HEATR4: variants seen among roughly 807,000 people sequenced by gnomAD.
HEATR4 encodes the protein HEAT repeat containing 4.
A neutral mutation model predicts 108.8 loss-of-function variants in HEATR4; 95 were observed. That is an observed-to-expected ratio of 0.87 (90% CI 0.74 to 1.04). The LOEUF (loss-of-function observed/expected upper bound fraction) is 1.04. Among genes scored for constraint, HEATR4 ranks in the 50% least tolerant of loss-of-function variants. The probability of loss-of-function intolerance (pLI) is 0.00; values close to 1 mark genes in which losing one functional copy is unlikely to be tolerated. For missense variants in HEATR4, 1,152 were observed against 1,253.8 expected (o/e 0.92, Z 1.23); for synonymous variants, 443 against 459.4 (o/e 0.96, Z 0.46).
chr14:73,499,244 G>A lies in HEATR4; in HGVS notation c.2287-104C>T. The A allele has an allele frequency of 3.2e-6, 3 of 947,328 alleles. No homozygotes were observed. The South Asian group carries it at 3.9e-5, about 12-fold the overall frequency. The allele number at this position is 947,328 out of a possible 1,614,324, so 58.7% of individuals were successfully genotyped here. A position where few individuals can be genotyped will look rare whatever the true frequency, so the allele number is the denominator to read the frequency against. Reference sequence around the variant, plus strand: ...CCCTGTAATCCCAGCATTTTGGGATGCCAAGGTGGGCGGATCACTTGACAT... The same window carrying A: ...CCCTGTAATCCCAGCATTTTGGGATACCAAGGTGGGCGGATCACTTGACAT... On this transcript the variant is annotated intron_variant, in intron 12 of 17. Transcript: ENST00000553558.
chr14:73,535,228 C>T (rs1472055771), intron 1 of HEATR4, among the ~76,000 whole-genome samples: 1 of 114,146 alleles, frequency 8.8e-6, no homozygotes, highest in Non-Finnish European at 1.9e-5. Context: ...TGAAGTTATA[C>T]TTAAAACAAA....
chr14:73,537,919 G>A lies in HEATR4; in HGVS notation c.-151-7675C>T. 1.8e-5 allele frequency: 21 copies of A among 1,148,086 alleles called. 8 individuals carry two copies. Among genetic ancestry groups the A allele is most frequent in the Non-Finnish European group, 2.3e-5 (21 of 895,256 alleles). 71.1% of individuals were successfully genotyped at this position (1,148,086 alleles called of 1,614,324 possible). A position where few individuals can be genotyped will look rare whatever the true frequency, so the allele number is the denominator to read the frequency against. ...TAATTGTTCCCCTCTGCCCATCCCT[G>A]TTCCTGCGCTTTCCACTGTGTGTGT... On this transcript the variant is annotated intron_variant, in intron 1 of 17. Transcript: ENST00000553558.
chr14:73,578,646 T>C, the HEATR4 span, among the ~76,000 whole-genome samples: 1 of 151,990 alleles, frequency 6.6e-6, no homozygotes, highest in African/African-American at 2.4e-5. Context: ...TCCATAATGA[T>C]TGATTGATTG....
intron 17 of HEATR4, chr14:73,491,351 G>T (rs964764670): frequency 3.5e-6 from 5 of 1,435,160 alleles, no homozygotes; most frequent in Non-Finnish European, 4.6e-6. Flanking sequence ...CTCGCCCGCC[G>T]CGCGCTCCCT....
At chr14:73,633,362 C>T in the HEATR4 span, among the ~76,000 whole-genome samples, 1 of 152,116 alleles carries the variant, frequency 6.6e-6, no homozygotes, top group East Asian at 1.9e-4. Context: ...TGAGCTCATC[C>T]CCTATGTCCC....
chr14:73,575,118 G>C, the HEATR4 span: 4 of 1,336,414 alleles, frequency 3.0e-6, no homozygotes, highest in South Asian at 3.9e-5. Context: ...TGGCTATGCA[G>C]ACATTGTGGA....
chr14:73,569,087 C>A, the HEATR4 span: 2 of 919,724 alleles, frequency 2.2e-6, no homozygotes, highest in Non-Finnish European at 3.3e-6. Flanking sequence ...AGCTTTCCAA[C>A]ATAAAGTGGA....
intron 2 of HEATR4, among the ~76,000 whole-genome samples, chr14:73,527,020 AC>A (rs894227541): frequency 5.3e-5 from 8 of 152,170 alleles, no homozygotes; most frequent in Admixed American, 3.3e-4. Flanking sequence ...CCCTTATCTT[AC>A]CCAAGGCCAC....
chr14:73,615,399 A>AAAAG, the HEATR4 span, among the ~76,000 whole-genome samples: 1 of 143,818 alleles, frequency 7.0e-6, no homozygotes, highest in African/African-American at 2.6e-5. Context: ...AAAAAAAAAA[A>AAAAG]AAAAAAAACA....
the HEATR4 span, chr14:73,574,972 C>G: frequency 6.2e-7 from 1 of 1,605,166 alleles, no homozygotes. Flanking sequence ...CTTTCCATGG[C>G]CTCTTTCCTG....
At chr14:73,592,102 C>T in the HEATR4 span, 21 of 1,504,268 alleles carry the variant, frequency 1.4e-5, no homozygotes, top group Admixed American at 2.3e-5. Context: ...CTCTTCCGGG[C>T]CCACGCGCGC....
At chr14:73,500,836 A>G in intron 11 of HEATR4, 106 bp from the exon 12 acceptor site, 1 of 986,812 alleles carries the variant, frequency 1.0e-6, no homozygotes, top group Non-Finnish European at 1.5e-6. Context: ...GTAGGCTGTC[A>G]ATCCCATTCA....
rs1323354474 is a variant in HEATR4, at chr14:73,546,718, T to C, written c.-152+12033A>G. ...CATTTTTCTTTTCACTTTCAACCCA[T>C]GCACACTGTGAACACTGTGAAATAC... On this transcript the variant is annotated intron_variant, in intron 1 of 17. Transcript: ENST00000553558. Among the ~76,000 whole-genome samples the C allele has an allele frequency of 3.3e-4, 37 of 113,306 alleles. 11 individuals are homozygous for C. Among genetic ancestry groups the C allele is most frequent in the African/African-American group, 9.8e-4 (35 of 35,792 alleles). The allele number at this position is 113,306 out of a possible 152,430, so 74.3% of individuals were successfully genotyped here. A position where few individuals can be genotyped will look rare whatever the true frequency, so the allele number is the denominator to read the frequency against.
intron 1 of HEATR4, among the ~76,000 whole-genome samples, chr14:73,534,233 G>C (rs1215277454): frequency 1.8e-5 from 2 of 111,630 alleles, no homozygotes; most frequent in Non-Finnish European, 3.9e-5. Context: ...ACAAAAATCA[G>C]CTGGCCGTGG....
At chr14:73,488,048 G>T (rs541661275) in intron 17 of HEATR4, among the ~76,000 whole-genome samples, 4 of 152,290 alleles carry the variant, frequency 2.6e-5, no homozygotes, top group South Asian at 4.1e-4. Flanking sequence ...TTTGAGTAGG[G>T]TGATGACAGG....
chr14:73,589,327 C>T, the HEATR4 span, among the ~76,000 whole-genome samples: 2 of 150,254 alleles, frequency 1.3e-5, no homozygotes, highest in Non-Finnish European at 2.9e-5. Context: ...TTTTCTTTTT[C>T]CCTTTCCTTT....
intron 14 of HEATR4, among the ~76,000 whole-genome samples, chr14:73,497,767 C>T (rs1320555219): frequency 6.6e-6 from 1 of 152,134 alleles, no homozygotes; most frequent in African/African-American, 2.4e-5. Flanking sequence ...GCTGGGATTA[C>T]AGGCATGTGC....
At chr14:73,530,631 T>C (rs1226522410) in intron 1 of HEATR4, 1 of 120,948 alleles carries the variant, frequency 8.3e-6, no homozygotes, top group African/African-American at 2.7e-5. Flanking sequence ...CCTGGTCTAA[T>C]GCCTTGATTT....
rs1391245947 is a variant in HEATR4, at chr14:73,557,396, C to T, written c.-152+1355G>A. On this transcript the variant is annotated intron_variant, in intron 1 of 17. Coordinates refer to ENST00000553558, the MANE Select transcript of HEATR4 (RefSeq NM_001220484.1). ...TCCACTTTTCTGTTTGCTTATCAGT[C>T]GCTTACCCTCACCCTCTGGTCTGAT... 3.8e-5 allele frequency among the ~76,000 whole-genome samples: 4 copies of T among 105,558 alleles called. 1 individual carries two copies. Among genetic ancestry groups the T allele is most frequent in the African/African-American group, 6.2e-5 (2 of 32,438 alleles). 69.3% of individuals were successfully genotyped at this position (105,558 alleles called of 152,430 possible).
Sources: allele counts gnomAD v4.1 joint callset (sites outside exome capture counted in the v4.1 genomes callset), GRCh38; gene constraint gnomAD v4.1.1; transcripts MANE v1.5; gene names NCBI Gene and HGNC (gene_info 2026-07-23, HGNC 2026-07-21).